The following LPCAT2 variants were observed in gnomAD, a reference collection of about 807,000 sequenced individuals.
The protein encoded by LPCAT2 is 1-AGP acyltransferase 11.
Under a neutral mutation model 64.7 loss-of-function variants are expected in LPCAT2, and 58 were observed. That is an observed-to-expected ratio of 0.90 (90% CI 0.73 to 1.12). LPCAT2 has a LOEUF of 1.12. LPCAT2 is among the 50% of genes most tolerant of loss of function. The pLI, the probability that LPCAT2 is intolerant of heterozygous loss-of-function variation, is 0.00. For synonymous variants in LPCAT2, 252 were observed against 245.3 expected (o/e 1.03, Z -0.26); for missense variants, 579 against 669.8 (o/e 0.86, Z 1.50).
In LPCAT2 at chr16:55,509,298, G is replaced by A; in HGVS notation, c.117G>A (p.Pro39=). The change falls in exon 1 of 14, where the codon CCG becomes CCA. Residue 39 remains proline (P), a synonymous_variant. Transcript: ENST00000262134. The part of the protein sequence containing the change: ...VPRQASFFPP[P]VPNPFVQQTQ... ...GTCAGGCGTCCTTCTTCCCGCCGCC[G>A]GTGCCGAACCCCTTCGTGCAGCAGA... 2 of 1,513,380 alleles carry A rather than the reference G, an allele frequency of 1.3e-6. No homozygotes were observed. The highest frequency in any genetic ancestry group is 8.9e-7 in the Non-Finnish European group (1 of 1,123,176). 93.7% of individuals were successfully genotyped at this position (1,513,380 alleles called of 1,614,324 possible).
intron 1 of LPCAT2, among the ~76,000 whole-genome samples, chr16:55,515,475 G>A (rs1438437253): frequency 1.3e-5 from 2 of 152,014 alleles, no homozygotes; most frequent in Non-Finnish European, 2.9e-5. Context: ...AATAAAGGGA[G>A]TCTCTCAGGC....
chr16:55,567,058 T>A, intron 11 of LPCAT2: 1 of 1,613,876 alleles, frequency 6.2e-7, no homozygotes, highest in Non-Finnish European at 8.5e-7. Flanking sequence ...ACTGATCTGA[T>A]GAATATTCTC....
chr16:55,580,839 A>ACTCATAGTTC (rs201814850), intron 13 of LPCAT2, among the ~76,000 whole-genome samples: 5 of 151,436 alleles, frequency 3.3e-5, no homozygotes, highest in East Asian at 3.9e-4. Flanking sequence ...GGAGCGCATG[A>ACTCATAGTTC]ACCCTATTGT....
rs1963925022 is a variant in LPCAT2, at chr16:55,584,640, C to A, written c.*1542C>A. ...GTTTCTGAATGTATTGGTGATTCAC[C>A]CCCAAGCTAATTTTTTAAAGTCATT... On this transcript the variant is annotated 3_prime_UTR_variant, in exon 14 of 14. Transcript: ENST00000262134. The A allele has an allele frequency of 6.6e-6, 1 of 152,060 alleles. No homozygotes were observed. Among genetic ancestry groups the A allele is most frequent in the Non-Finnish European group, 1.5e-5 (1 of 68,006 alleles). The allele number at this position is 152,060 out of a possible 1,614,324, so 9.4% of individuals were successfully genotyped here.
chr16:55,513,709 A>C (rs1261537975), intron 1 of LPCAT2, among the ~76,000 whole-genome samples: 2 of 152,140 alleles, frequency 1.3e-5, no homozygotes, highest in African/African-American at 4.8e-5. Context: ...CTACAGTCAT[A>C]ATGAAAACCA....
At chr16:55,543,027 T>C (rs1452045112) in intron 8 of LPCAT2, among the ~76,000 whole-genome samples, 1 of 152,190 alleles carries the variant, frequency 6.6e-6, no homozygotes, top group East Asian at 1.9e-4. Flanking sequence ...CTCTCTTTGA[T>C]TGATTTTCCT....
At chr16:55,552,010 C>T (rs1182945476) in intron 11 of LPCAT2, among the ~76,000 whole-genome samples, 1 of 152,082 alleles carries the variant, frequency 6.6e-6, no homozygotes, top group Non-Finnish European at 1.5e-5. Flanking sequence ...CTAACAAATG[C>T]ACAGAAGCAT....
chr16:55,546,491 C>G (rs772342114), intron 9 of LPCAT2, among the ~76,000 whole-genome samples: 1 of 152,096 alleles, frequency 6.6e-6, no homozygotes, highest in Non-Finnish European at 1.5e-5. Context: ...AATAGACCAG[C>G]AGTGTTTATT....
At chr16:55,541,986 TTC>T (rs1963403426) in intron 8 of LPCAT2, 2 of 1,184,308 alleles carry the variant, frequency 1.7e-6, no homozygotes, top group Non-Finnish European at 2.2e-6. Flanking sequence ...TAAAATTATT[TTC>T]TGTTACAAGG....
At chr16:55,552,237 G>A (rs1379552395) in intron 11 of LPCAT2, among the ~76,000 whole-genome samples, 8 of 152,046 alleles carry the variant, frequency 5.3e-5, no homozygotes, top group African/African-American at 1.9e-4. Context: ...CAAGTATAAT[G>A]CATTTGAGAT....
At chr16:55,537,831 A>C (rs1475845662) in intron 8 of LPCAT2, among the ~76,000 whole-genome samples, 199 bp downstream of exon 8, 2 of 152,182 alleles carry the variant, frequency 1.3e-5, no homozygotes, top group African/African-American at 4.8e-5. Context: ...GAAACATGTA[A>C]CCACCCTGGC....
rs1305159471 is a variant in LPCAT2 at position 55,509,108 on chromosome 16, G to A, written c.-74G>A. The A allele has an allele frequency of 1.2e-5, 15 of 1,232,958 alleles. No homozygotes were observed. The highest frequency in any genetic ancestry group is 1.5e-5 in the Non-Finnish European group (15 of 967,900). The allele number at this position is 1,232,958 out of a possible 1,614,324, so 76.4% of individuals were successfully genotyped here. ...AGCGTCGCCCTAGGCTGGGACTCTA[G>A]TAGGTCTTCGGCTCAGTTTTGGCTG... On this transcript the variant is annotated 5_prime_UTR_variant, in exon 1 of 14. Transcript: ENST00000262134.
intron 6 of LPCAT2, 26 bp from the exon 7 acceptor site, chr16:55,534,417 C>G (rs1409845377): frequency 6.8e-7 from 1 of 1,461,152 alleles, no homozygotes; most frequent in East Asian, 2.3e-5. Context: ...TCCAGACCAA[C>G]AGCTAAAATA....
intron 1 of LPCAT2, among the ~76,000 whole-genome samples, chr16:55,521,174 T>C (rs1963090530): frequency 6.6e-6 from 1 of 151,818 alleles, no homozygotes; most frequent in South Asian, 2.1e-4. Context: ...TATATCATTA[T>C]AGGCTAAATG....
chr16:55,567,486 T>C (rs1205848332), intron 11 of LPCAT2: 2 of 1,613,278 alleles, frequency 1.2e-6, no homozygotes, highest in Non-Finnish European at 1.7e-6. Context: ...ATGGCTGCAG[T>C]TGACCATGTA....
At chr16:55,527,917 A>G (rs1391774426) in intron 2 of LPCAT2, among the ~76,000 whole-genome samples, 3 of 152,228 alleles carry the variant, frequency 2.0e-5, no homozygotes, top group Non-Finnish European at 2.9e-5. Context: ...AGGAGATAGT[A>G]GCATCTTCAT....
At chr16:55,529,186 T>G (rs187271065) in intron 3 of LPCAT2, among the ~76,000 whole-genome samples, 8 of 152,322 alleles carry the variant, frequency 5.3e-5, no homozygotes, top group African/African-American at 1.9e-4. Context: ...AACTACTCCC[T>G]GTTGTCCCAA....
rs751606964 is a variant in LPCAT2 at position 55,532,873 on chromosome 16, A to G, written c.753A>G (p.Pro251=). Reference sequence around the variant, plus strand: ...TGCAGCCAGTCCTCCTCAGATACCCAAACAAGCTGGTAAGCACAGTATTTT... The same window carrying G: ...TGCAGCCAGTCCTCCTCAGATACCCGAACAAGCTGGTAAGCACAGTATTTT... ...VPVQPVLLRY[P]NKLDTVTWTW... The change falls in exon 6 of 14, where the codon CCA becomes CCG. Residue 251 remains proline (P), a synonymous_variant. Coordinates refer to ENST00000262134, the MANE Select transcript of LPCAT2 (RefSeq NM_017839.5). 1.1e-5 allele frequency: 18 copies of G among 1,611,922 alleles called. No homozygotes were observed. In the South Asian group the frequency reaches 2.0e-4, roughly 18 times the overall value.
chr16:55,570,541 G>A (rs7186546), intron 11 of LPCAT2, among the ~76,000 whole-genome samples: 65,213 of 151,720 alleles, frequency 0.43, 14,072 homozygotes, highest in South Asian at 0.48. Flanking sequence ...AGGCTGAGGC[G>A]GAGGATCGCT....
Sources: gnomAD v4.1 joint callset for allele counts (sites outside exome capture counted in the v4.1 genomes callset) on GRCh38, gnomAD v4.1.1 for gene constraint, MANE v1.5 for transcripts, NCBI Gene and HGNC (gene_info 2026-07-23, HGNC 2026-07-21) for gene names.